The following CPA6 variants were observed in gnomAD, a reference collection of about 807,000 sequenced individuals.
CPA6 encodes the protein carboxypeptidase A6, also known as carboxypeptidase B.
In CPA6, 58 loss-of-function variants were observed where a neutral mutation model predicts 63.3. The ratio of observed to expected loss-of-function variants is 0.92; its 90% CI spans 0.74 to 1.14. CPA6 has a LOEUF of 1.14. Ranked by LOEUF, CPA6 falls within the 50% of genes most tolerant of loss-of-function variation. The pLI is 0.00. For missense variants in CPA6, 565 were observed against 526.6 expected (o/e 1.07, Z -0.71); for synonymous variants, 185 against 179.0 (o/e 1.03, Z -0.27).
chr8:67,512,806 T>C (rs989233539), intron 3 of CPA6, among the ~76,000 whole-genome samples: 2 of 152,270 alleles, frequency 1.3e-5, no homozygotes, highest in African/African-American at 4.8e-5. Context: ...TAATGGCATC[T>C]TTAAATAATT....
chr8:67,436,514 T>G (rs1405532114), intron 8 of CPA6, among the ~76,000 whole-genome samples: 1 of 151,880 alleles, frequency 6.6e-6, no homozygotes, highest in Non-Finnish European at 1.5e-5. Flanking sequence ...AGCAAGAACA[T>G]AAAGGCAGGC....
At chr8:67,679,891 C>T (rs1201188588) in intron 1 of CPA6, among the ~76,000 whole-genome samples, 1 of 152,140 alleles carries the variant, frequency 6.6e-6, no homozygotes, top group Non-Finnish European at 1.5e-5. Context: ...TACCTGGCTA[C>T]AATTGTTAAT....
Position 67,422,451 on chromosome 8 carries a change from C to T in CPA6, c.*53G>A. ...TTTGAAAACAATTTCTATCCAGGGC[C>T]AAGTAGGCCTTGCTCAGAATCCTAT... On this transcript the variant is annotated 3_prime_UTR_variant, in exon 11 of 11. Coordinates refer to ENST00000297770, the MANE Select transcript of CPA6 (RefSeq NM_020361.5). The T allele has an allele frequency of 6.7e-7, 1 of 1,499,942 alleles. No individual in the cohort carries two copies. The highest frequency in any genetic ancestry group is 1.2e-5 in the South Asian group (1 of 83,214). The allele number at this position is 1,499,942 out of a possible 1,614,324, so 92.9% of individuals were successfully genotyped here. A position where few individuals can be genotyped will look rare whatever the true frequency, so the allele number is the denominator to read the frequency against.
chr8:67,740,743 T>C (rs775135034), intron 1 of CPA6, among the ~76,000 whole-genome samples: 8 of 152,082 alleles, frequency 5.3e-5, no homozygotes, highest in Non-Finnish European at 1.0e-4. Flanking sequence ...CTAATTTTTG[T>C]ATTTTTAGTA....
At position 67,453,560 on chromosome 8, in the gene CPA6, A is replaced by C. The variant is rs115500411; in HGVS notation, c.839-19320T>G. Reference sequence around the variant, plus strand: ...GGAGATTTGGGGGTCATAGGCACACAGTAGAGAATGATGACATGTCTAAGG... The same window carrying C: ...GGAGATTTGGGGGTCATAGGCACACCGTAGAGAATGATGACATGTCTAAGG... On this transcript the variant is annotated intron_variant, in intron 8 of 10. Transcript: ENST00000297770. Among the ~76,000 whole-genome samples the C allele has an allele frequency of 7.9e-3, 1,206 of 152,290 alleles. 15 individuals are homozygous for C. Among genetic ancestry groups the C allele is most frequent in the African/African-American group, 0.026 (1,086 of 41,548 alleles).
At chr8:67,568,470 T>C (rs868730327) in intron 2 of CPA6, among the ~76,000 whole-genome samples, 4 of 151,786 alleles carry the variant, frequency 2.6e-5, no homozygotes, top group Non-Finnish European at 4.4e-5. Flanking sequence ...ATAGAGACAA[T>C]ACACAAAGAA....
At chr8:67,424,084 G>A (rs1809831152) in intron 10 of CPA6, among the ~76,000 whole-genome samples, 1 of 152,150 alleles carries the variant, frequency 6.6e-6, no homozygotes, top group African/African-American at 2.4e-5. Context: ...TCTAGGTTGT[G>A]CATTCCTTCT....
chr8:67,498,118 G>A (rs1170836927), intron 6 of CPA6, among the ~76,000 whole-genome samples: 2 of 152,086 alleles, frequency 1.3e-5, no homozygotes, highest in Admixed American at 1.3e-4. Context: ...GTTCACGTTT[G>A]CAGAAAGATA....
At chr8:67,585,166 A>G (rs566119882) in intron 2 of CPA6, among the ~76,000 whole-genome samples, 33 of 152,308 alleles carry the variant, frequency 2.2e-4, no homozygotes, top group African/African-American at 7.9e-4. Context: ...GTCTCGTTTG[A>G]AGCTTAGAGT....
chr8:67,505,742 C>G (rs2128964582), intron 6 of CPA6, among the ~76,000 whole-genome samples: 1 of 152,162 alleles, frequency 6.6e-6, no homozygotes, highest in East Asian at 1.9e-4. Context: ...TTGGTAGTGG[C>G]AGAGATATTT....
intron 1 of CPA6, among the ~76,000 whole-genome samples, chr8:67,628,512 C>G (rs1815244291): frequency 6.6e-6 from 1 of 152,232 alleles, no homozygotes; most frequent in South Asian, 2.1e-4. Context: ...TGATAAAGTT[C>G]TCTTCCAACT....
intron 2 of CPA6, among the ~76,000 whole-genome samples, chr8:67,564,137 G>C (rs1383859887): frequency 6.6e-6 from 1 of 152,160 alleles, no homozygotes; most frequent in Non-Finnish European, 1.5e-5. Flanking sequence ...TTGCAAAAAT[G>C]ACATCACTGC....
intron 1 of CPA6, chr8:67,735,806 T>C (rs1452069814): frequency 6.6e-6 from 1 of 151,962 alleles, no homozygotes; most frequent in Non-Finnish European, 1.5e-5. Context: ...ATCAACTAAG[T>C]TCTTGGCTTA....
intron 2 of CPA6, among the ~76,000 whole-genome samples, chr8:67,565,568 T>C (rs908550796): frequency 1.3e-5 from 2 of 152,190 alleles, no homozygotes; most frequent in Admixed American, 1.3e-4. Context: ...GAGCAGGCAA[T>C]GGACGTGCAG....
intron 2 of CPA6, among the ~76,000 whole-genome samples, chr8:67,530,823 C>T (rs1812462077): frequency 6.6e-6 from 1 of 152,194 alleles, no homozygotes; most frequent in Non-Finnish European, 1.5e-5. Context: ...AAAGTCTACA[C>T]ACCAGGAAAA....
At chr8:67,568,699 A>G (rs1373458196) in intron 2 of CPA6, among the ~76,000 whole-genome samples, 1 of 152,210 alleles carries the variant, frequency 6.6e-6, no homozygotes, top group African/African-American at 2.4e-5. Context: ...CCTATGCATA[A>G]TAGGCATTCA....
chr8:67,652,246 G>A (rs1236278517), intron 1 of CPA6, among the ~76,000 whole-genome samples: 1 of 152,088 alleles, frequency 6.6e-6, no homozygotes, highest in Non-Finnish European at 1.5e-5. Context: ...ATAGTCCTTT[G>A]GGTATATACC....
intron 2 of CPA6, among the ~76,000 whole-genome samples, chr8:67,594,356 T>C (rs9774507): frequency 0.38 from 57,932 of 151,618 alleles, 11,811 homozygotes; most frequent in East Asian, 0.52. Flanking sequence ...CTGACAATTA[T>C]GTGTCTTGGA....
chr8:67,693,809 G>A (rs1816860399), intron 1 of CPA6, among the ~76,000 whole-genome samples: 1 of 152,188 alleles, frequency 6.6e-6, no homozygotes, highest in African/African-American at 2.4e-5. Context: ...CAGCCTGAAC[G>A]GACTCAGATG....
Sources: gnomAD v4.1 joint callset for allele counts (sites outside exome capture counted in the v4.1 genomes callset) on GRCh38, gnomAD v4.1.1 for gene constraint, MANE v1.5 for transcripts, NCBI Gene and HGNC (gene_info 2026-07-23, HGNC 2026-07-21) for gene names.